Variants in CELF2 observed in about 807,000 individuals in gnomAD.
The protein encoded by CELF2 is CUG triplet repeat RNA-binding protein 2.
CELF2 carries 8 observed loss-of-function variants against 62.6 expected under a neutral mutation model. The ratio of observed to expected loss-of-function variants is 0.13; its 90% confidence interval spans 0.07 to 0.23. The LOEUF is 0.23. Among genes scored for constraint, CELF2 ranks in the 10% least tolerant of loss-of-function variants. The pLI is 1.00. For missense variants in CELF2, 333 were observed against 671.0 expected, an observed-to-expected ratio of 0.50 and a Z score of 5.56; for synonymous variants, 258 against 250.0, an observed-to-expected ratio of 1.03 and a Z score of -0.30.
chr10:11,093,748 A>T (rs906732089), intron 1 of CELF2, among the ~76,000 whole-genome samples: 2 of 152,146 alleles, frequency 1.3e-5, no homozygotes, highest in African/African-American at 2.4e-5. Context: ...TTCCGTTAAC[A>T]TGGTCCAAAT....
At position 11,316,409 on chromosome 10, in the gene CELF2, C is replaced by T. The variant is rs1045012571; in HGVS notation, c.1096+2151C>T. Among the ~76,000 whole-genome samples the T allele has an allele frequency of 6.6e-6, 1 of 152,204 alleles. No homozygotes were observed. The highest frequency in any genetic ancestry group is 2.4e-5 in the African/African-American group (1 of 41,454). On this transcript the variant is annotated intron_variant, in intron 10 of 12. Transcript: ENST00000633077. The surrounding 1 kb of genome is among the most constrained non-coding windows in gnomAD (Gnocchi z 4.4). Reference sequence around the variant, plus strand: ...GTTTTACAATCTCCAGCATTGACCTCGAGCTAATATTTGCTGCTTGTCTCT... The same window carrying T: ...GTTTTACAATCTCCAGCATTGACCTTGAGCTAATATTTGCTGCTTGTCTCT...
chr10:10,635,221 A>G, the CELF2 span, among the ~76,000 whole-genome samples: 1 of 152,140 alleles, frequency 6.6e-6, no homozygotes, highest in Non-Finnish European at 1.5e-5. Flanking sequence ...GTTGCCCCCT[A>G]AGAAATTAGC....
At chr10:11,059,722 G>A (rs2066249410) in intron 1 of CELF2, among the ~76,000 whole-genome samples, 1 of 152,196 alleles carries the variant, frequency 6.6e-6, no homozygotes, top group African/African-American at 2.4e-5. Flanking sequence ...CAGCCAGAGG[G>A]AAGCGCAGCC....
chr10:11,257,539 T>C (rs1214221932), intron 4 of CELF2, 199 bp from the exon 5 acceptor site: 1 of 558,918 alleles, frequency 1.8e-6, no homozygotes, highest in Admixed American at 3.1e-5. Context: ...GGGAGATGGG[T>C]TCAGGAAGCA....
the CELF2 span, among the ~76,000 whole-genome samples, chr10:10,646,280 A>G: frequency 6.6e-6 from 1 of 152,218 alleles, no homozygotes; most frequent in Non-Finnish European, 1.5e-5. Flanking sequence ...AATTTCCCTA[A>G]GGACCAATCA....
the CELF2 span, among the ~76,000 whole-genome samples, chr10:10,579,965 C>T: frequency 4.6e-5 from 7 of 151,750 alleles, no homozygotes; most frequent in South Asian, 4.2e-4. Context: ...TTACAGGAAC[C>T]GATAACAAAG....
intron 1 of CELF2, among the ~76,000 whole-genome samples, chr10:10,907,807 C>T (rs1225236236): frequency 6.6e-6 from 1 of 152,104 alleles, no homozygotes; most frequent in Non-Finnish European, 1.5e-5. Context: ...GGACATGACC[C>T]ACCATGATTG....
At chr10:10,721,650 A>T in the CELF2 span, among the ~76,000 whole-genome samples, 1 of 152,216 alleles carries the variant, frequency 6.6e-6, no homozygotes. Flanking sequence ...CCTCTGGACT[A>T]TAGACATATC....
the CELF2 span, among the ~76,000 whole-genome samples, chr10:10,602,761 C>G: frequency 1.7e-4 from 26 of 152,052 alleles, no homozygotes; most frequent in African/African-American, 6.0e-4. Context: ...AAAAAGTGAG[C>G]AGGTTTTTAG....
chr10:10,572,926 G>A, the CELF2 span, among the ~76,000 whole-genome samples: 1 of 152,104 alleles, frequency 6.6e-6, no homozygotes, highest in Admixed American at 6.6e-5. Flanking sequence ...GATCTTTGAG[G>A]AATCGCCACA....
In CELF2 at chr10:11,160,100, C is replaced by T. The variant is rs150845175; in HGVS notation, c.75-5386C>T. On this transcript the variant is annotated intron_variant, in intron 1 of 12. Coordinates refer to ENST00000633077, the MANE Select transcript of CELF2 (RefSeq NM_001326342.2). ...ACTGAATTGGACACAGGCAAGGAAT[C>T]ACAACAAGATTTCAGGCAGCTGGTT... 1.8e-4 allele frequency among the ~76,000 whole-genome samples: 28 copies of T among 152,350 alleles called. No homozygotes were observed. In the East Asian group the frequency reaches 4.2e-3, roughly 23 times the overall value.
the CELF2 span, among the ~76,000 whole-genome samples, chr10:10,472,767 G>T: frequency 1.3e-5 from 2 of 151,898 alleles, no homozygotes; most frequent in Admixed American, 6.6e-5. Context: ...TCTTCTCGTT[G>T]GTGTGCAGCT....
chr10:10,956,719 G>A (rs1236396698), intron 2 of CELF2, among the ~76,000 whole-genome samples: 1 of 151,986 alleles, frequency 6.6e-6, no homozygotes, highest in Non-Finnish European at 1.5e-5. Flanking sequence ...TTGAAGCCAG[G>A]AGTTCAAAAC....
chr10:11,122,390 A>T (rs1200972239), intron 1 of CELF2, among the ~76,000 whole-genome samples: 1 of 152,220 alleles, frequency 6.6e-6, no homozygotes, highest in Non-Finnish European at 1.5e-5. Context: ...GCTTTACATA[A>T]TACAGAGACA....
chr10:10,872,481 T>C (rs1451769835), intron 1 of CELF2, among the ~76,000 whole-genome samples: 2 of 152,194 alleles, frequency 1.3e-5, no homozygotes, highest in Non-Finnish European at 2.9e-5. Flanking sequence ...ACATTCCGAA[T>C]GATGATGTTG....
chr10:11,303,260 T>C (rs918754660), intron 9 of CELF2, among the ~76,000 whole-genome samples: 3 of 152,150 alleles, frequency 2.0e-5, no homozygotes, highest in Non-Finnish European at 4.4e-5. Flanking sequence ...AATTTTACTC[T>C]TATCAGCTCA....
At chr10:10,677,485 G>A in the CELF2 span, among the ~76,000 whole-genome samples, 1 of 152,156 alleles carries the variant, frequency 6.6e-6, no homozygotes, top group African/African-American at 2.4e-5. Flanking sequence ...AATTATTTAG[G>A]TACTTATTGA....
chr10:11,304,501 T>A (rs938689540), intron 9 of CELF2, among the ~76,000 whole-genome samples: 1 of 152,230 alleles, frequency 6.6e-6, no homozygotes, highest in Non-Finnish European at 1.5e-5. Flanking sequence ...GCAGTGCATC[T>A]GGTGAGGGCC....
At chr10:11,198,357 G>A (rs150965639) in intron 2 of CELF2, among the ~76,000 whole-genome samples, 17 of 152,322 alleles carry the variant, frequency 1.1e-4, no homozygotes, top group African/African-American at 3.6e-4. Flanking sequence ...ATCTTCTGAA[G>A]GGAAAACATG....
Sources: gnomAD v4.1 joint callset for allele counts (sites outside exome capture counted in the v4.1 genomes callset) on GRCh38, gnomAD v4.1.1 for gene constraint, Gnocchi (gnomAD v3.1) non-coding constraint, MANE v1.5 for transcripts, NCBI Gene and HGNC (gene_info 2026-07-23, HGNC 2026-07-21) for gene names.